Variants in PIAS2 observed in about 807,000 individuals in gnomAD.
PIAS2 encodes the protein E3 SUMO-protein ligase PIAS2.
Under a neutral mutation model 69.7 loss-of-function variants are expected in PIAS2, and 19 were observed. That is an observed-to-expected ratio of 0.27 (90% CI 0.19 to 0.40). The LOEUF (loss-of-function observed/expected upper bound fraction) is 0.40, where lower values mean the gene tolerates loss of function less well. PIAS2 is among the 10% of genes least tolerant of loss of function. The pLI is 1.00. For missense variants in PIAS2, 624 were observed against 757.0 expected (o/e 0.82, Z 2.06); for synonymous variants, 261 against 263.2 (o/e 0.99, Z 0.08).
chr18:46,890,537 T>C, intron 2 of PIAS2, 43 bp downstream of exon 2: 1 of 1,198,482 alleles, frequency 8.3e-7, no homozygotes, highest in Non-Finnish European at 1.2e-6. Context: ...TCTCATTTCA[T>C]TTACTATCTT....
At chr18:46,855,662 T>A in intron 3 of PIAS2, 47 bp from the exon 4 acceptor site, 1 of 1,409,694 alleles carries the variant, frequency 7.1e-7, no homozygotes. Flanking sequence ...CAATGAGAAT[T>A]CTCAGAACAG....
chr18:46,876,991 T>C (rs4258717), intron 2 of PIAS2, among the ~76,000 whole-genome samples: 80,259 of 152,028 alleles, frequency 0.53, 21,437 homozygotes, highest in African/African-American at 0.56. Context: ...TGAGCCACAG[T>C]GCCCGGCCTC....
At chr18:46,816,669 T>C (rs2144739179) in intron 12 of PIAS2, 2 of 303,798 alleles carry the variant, frequency 6.6e-6, no homozygotes, top group East Asian at 1.7e-4. Context: ...GGTCTCGCTA[T>C]GTTGCCTAGG....
At chr18:46,876,922 G>A (rs138151081) in intron 2 of PIAS2, among the ~76,000 whole-genome samples, 1,681 of 152,042 alleles carry the variant, frequency 0.011, 16 homozygotes, top group Non-Finnish European at 0.017. Flanking sequence ...GGATGGTCTC[G>A]ATCTCCTGAC....
chr18:46,844,892 T>C, intron 6 of PIAS2, 53 bp from the exon 7 acceptor site: 1 of 673,562 alleles, frequency 1.5e-6, no homozygotes, highest in Non-Finnish European at 2.4e-6. Context: ...ATATTCTCTT[T>C]GTTTACATGA....
At chr18:46,917,898 T>A (rs2058174019), upstream of PIAS2, 1 of 152,228 alleles carries the variant, frequency 6.6e-6, no homozygotes, top group Non-Finnish European at 1.5e-5. Context: ...AGAGTAGTTG[T>A]GGCGGAATAA....
In PIAS2 at chr18:46,870,900, C is replaced by A. The variant is rs116400299; in HGVS notation, c.500-6652G>T. Reference sequence around the variant, plus strand: ...GATGGGTCAATAACAATGCAGCTCACCAAGAGAATATGAAAGATCTCAGGG... The same window carrying A: ...GATGGGTCAATAACAATGCAGCTCAACAAGAGAATATGAAAGATCTCAGGG... On this transcript the variant is annotated intron_variant, in intron 2 of 13. Coordinates refer to ENST00000585916, the MANE Select transcript of PIAS2 (RefSeq NM_004671.5). Among the ~76,000 whole-genome samples, 732 of 152,058 alleles carry A rather than the reference C, an allele frequency of 4.8e-3. 1 individual carries two copies. Among genetic ancestry groups the A allele is most frequent in the African/African-American group, 0.017 (704 of 41,484 alleles).
intron 2 of PIAS2, among the ~76,000 whole-genome samples, chr18:46,880,045 C>T (rs1284005080): frequency 6.6e-6 from 1 of 150,580 alleles, no homozygotes; most frequent in Non-Finnish European, 1.5e-5. Context: ...ATACTTCATG[C>T]CACTGGATTT....
chr18:46,880,261 G>A (rs1433832466), intron 2 of PIAS2, among the ~76,000 whole-genome samples: 1 of 152,092 alleles, frequency 6.6e-6, no homozygotes, highest in East Asian at 1.9e-4. Context: ...AGCTGGGCAT[G>A]GTGGTGCACA....
At chr18:46,824,246 T>C (rs1283181498) in intron 11 of PIAS2, among the ~76,000 whole-genome samples, 2 of 152,222 alleles carry the variant, frequency 1.3e-5, no homozygotes, top group African/African-American at 2.4e-5. Context: ...GAAAATAGGT[T>C]GACCATTTCT....
At chr18:46,878,995 A>C (rs905743080) in intron 2 of PIAS2, among the ~76,000 whole-genome samples, 16 of 152,238 alleles carry the variant, frequency 1.1e-4, no homozygotes, top group African/African-American at 3.9e-4. Context: ...TGTGGATTAA[A>C]ATGGCTCAGT....
Position 46,917,302 on chromosome 18 carries a change from C to A in PIAS2, c.24+20G>T. 3 of 1,466,500 alleles carry A rather than the reference C, an allele frequency of 2.0e-6. No individual in the cohort carries two copies. In the South Asian group the frequency reaches 3.9e-5, roughly 19 times the overall value. 90.8% of individuals were successfully genotyped at this position (1,466,500 alleles called of 1,614,324 possible). A position where few individuals can be genotyped will look rare whatever the true frequency, so the allele number is the denominator to read the frequency against. On this transcript the variant is annotated intron_variant, in intron 1 of 13. Coordinates refer to ENST00000585916, the MANE Select transcript of PIAS2 (RefSeq NM_004671.5). ...CTCCCATCCCCTCCCCCGCGGCCTC[C>A]GCTCTCCACTCCCGCTTACCCTCAA...
At chr18:46,866,727 G>A (rs531711835) in intron 2 of PIAS2, among the ~76,000 whole-genome samples, 1 of 152,138 alleles carries the variant, frequency 6.6e-6, no homozygotes, top group Non-Finnish European at 1.5e-5. Context: ...AAGAATGGAG[G>A]GGGTAGATAA....
intron 9 of PIAS2, among the ~76,000 whole-genome samples, chr18:46,835,508 C>T (rs948953815): frequency 3.3e-5 from 5 of 152,192 alleles, no homozygotes; most frequent in Admixed American, 3.3e-4. Context: ...CCCAAGCTCA[C>T]CTTGAATTCC....
chr18:46,837,527 TTA>T (rs1412624731), intron 8 of PIAS2, among the ~76,000 whole-genome samples: 4 of 152,204 alleles, frequency 2.6e-5, no homozygotes, highest in African/African-American at 9.7e-5. Context: ...TATTTTTCAT[TTA>T]TGTTATTTAT....
intron 6 of PIAS2, among the ~76,000 whole-genome samples, chr18:46,845,560 C>A (rs2046044130): frequency 6.6e-6 from 1 of 151,960 alleles, no homozygotes; most frequent in Non-Finnish European, 1.5e-5. Flanking sequence ...CCTGTTAGAT[C>A]TGGCACAAAG....
intron 2 of PIAS2, among the ~76,000 whole-genome samples, chr18:46,881,934 T>C (rs1176390929): frequency 6.6e-6 from 1 of 152,124 alleles, no homozygotes; most frequent in East Asian, 1.9e-4. Flanking sequence ...CTGTCTCTAC[T>C]AAGAATACAA....
intron 5 of PIAS2, 136 bp downstream of exon 5, chr18:46,855,209 C>T: frequency 1.8e-6 from 1 of 543,056 alleles, no homozygotes; most frequent in Non-Finnish European, 3.3e-6. Context: ...ATGGGTTACC[C>T]TAGTGGAAAA....
intron 11 of PIAS2, chr18:46,826,906 A>G (rs1285297385): frequency 6.6e-6 from 1 of 152,230 alleles, no homozygotes. Context: ...ATTTTATATA[A>G]AATGTCTAAA....
Sources: allele counts gnomAD v4.1 joint callset (sites outside exome capture counted in the v4.1 genomes callset), GRCh38; gene constraint gnomAD v4.1.1; transcripts MANE v1.5; gene names NCBI Gene and HGNC (gene_info 2026-07-23, HGNC 2026-07-21).